The following PXN variants were observed in gnomAD, a reference collection of about 807,000 sequenced individuals.
PXN encodes testicular tissue protein Li 134.
In PXN, 61 loss-of-function variants were observed where a neutral mutation model predicts 103.6. The ratio of observed to expected loss-of-function variants is 0.59; its 90% CI spans 0.48 to 0.73. The LOEUF is 0.73. Among genes scored for constraint, PXN ranks in the 30% least tolerant of loss-of-function variants. PXN has a pLI of 0.00. For missense variants in PXN, 1,274 were observed against 1,460.3 expected (o/e 0.87, Z 2.08); for synonymous variants, 562 against 607.8 (o/e 0.92, Z 1.11).
rs1162238397 is a variant in PXN at position 120,245,110 on chromosome 12, G to C, written c.13+20507C>G. ...GGAGGAGGGGCATCACGTAGCAACA[G>C]AGCAAGAAGGAACAGGAGTGTGGCA... On this transcript the variant is annotated intron_variant, in intron 1 of 14. Transcript: ENST00000637617. Among the ~76,000 whole-genome samples the C allele has an allele frequency of 2.6e-5, 4 of 152,166 alleles. No individual in the cohort carries two copies. In the East Asian group the frequency reaches 5.8e-4, roughly 22 times the overall value.
Position 120,265,527 on chromosome 12 carries a change from A to G in PXN, c.13+90T>C. ...TGAGGCCGGGGCCGCCGAGGGTGGG[A>G]TCCCGCGGCCCCTGCCGCTCGCTGG... On this transcript the variant is annotated intron_variant, in intron 1 of 14. Coordinates refer to ENST00000637617, the MANE Select transcript of PXN (RefSeq NM_001385981.1). The surrounding 1 kb of genome is among the most constrained non-coding windows in gnomAD (Gnocchi z 5.7). 7.2e-7 allele frequency: 1 copy of G among 1,388,080 alleles called. No homozygotes were observed. The highest frequency in any genetic ancestry group is 9.4e-7 in the Non-Finnish European group (1 of 1,063,388). The allele number at this position is 1,388,080 out of a possible 1,614,324, so 86.0% of individuals were successfully genotyped here. A position where few individuals can be genotyped will look rare whatever the true frequency, so the allele number is the denominator to read the frequency against.
At chr12:120,236,850 G>A (rs1035518596) in intron 1 of PXN, among the ~76,000 whole-genome samples, 1 of 151,884 alleles carries the variant, frequency 6.6e-6, no homozygotes, top group African/African-American at 2.4e-5. Context: ...TGTCACCCAG[G>A]CTGGAGTGCA....
At chr12:120,247,381 G>A (rs1397384721) in intron 1 of PXN, 2 of 152,338 alleles carry the variant, frequency 1.3e-5, no homozygotes, top group Admixed American at 6.5e-5. Context: ...GTGTGCCCTC[G>A]CCTGCTCCTG....
Position 120,216,288 on chromosome 12 carries a change from G to A in PXN, c.2286C>T (p.Leu762=), listed in dbSNP as rs113366229. The A allele has an allele frequency of 4.2e-4, 532 of 1,279,704 alleles. 3 individuals carry two copies. In the African/African-American group the frequency reaches 7.7e-3, roughly 19 times the overall value. 79.3% of individuals were successfully genotyped at this position (1,279,704 alleles called of 1,614,324 possible). ...TAAGGCCTGCCTGCATCGGGGGGAAGAGCGGGTCCTCATCAGTCTGGCAGC... is the reference window on the plus strand; with the variant it reads ...TAAGGCCTGCCTGCATCGGGGGGAAAAGCGGGTCCTCATCAGTCTGGCAGC... ...SVGCQTDEDP[L]FPPMQIQGLE... is the part of the protein sequence containing the mutation. Residue 762 remains leucine, a synonymous_variant, in exon 9 of 15, where the codon CTC becomes CTT. Transcript: ENST00000637617. The surrounding 1 kb of genome is among the most constrained non-coding windows in gnomAD (Gnocchi z 5.1).
intron 1 of PXN, among the ~76,000 whole-genome samples, chr12:120,240,500 G>C (rs1310269662): frequency 6.6e-6 from 1 of 152,156 alleles, no homozygotes; most frequent in Non-Finnish European, 1.5e-5. Context: ...AAGCTGAGAG[G>C]CTTTGCAGGA....
chr12:120,262,048 C>T (rs189553034), intron 1 of PXN, among the ~76,000 whole-genome samples: 1 of 152,324 alleles, frequency 6.6e-6, no homozygotes, highest in Admixed American at 6.5e-5. Flanking sequence ...GCTGGGTGCC[C>T]TGACTCTGCC....
intron 1 of PXN, among the ~76,000 whole-genome samples, chr12:120,230,833 A>T (rs574933238): frequency 6.7e-6 from 1 of 150,276 alleles, no homozygotes; most frequent in South Asian, 2.1e-4. Flanking sequence ...TGCCCCACCC[A>T]CCCCCAGCCC....
rs1272327073 is a variant in PXN, at chr12:120,220,879, A to G, written c.831+744T>C. On this transcript the variant is annotated intron_variant, in intron 6 of 14. Transcript: ENST00000637617. This position sits in a 1 kb window ranked among gnomAD's most constrained non-coding sequence, Gnocchi z 6.1. ...CTCATATTCCCTAGGTCATGCCCCAAAGGTCTCCAGCTGACCCACGTGGAA... is the reference window on the plus strand; with the variant it reads ...CTCATATTCCCTAGGTCATGCCCCAGAGGTCTCCAGCTGACCCACGTGGAA... Among the ~76,000 whole-genome samples the G allele has an allele frequency of 1.3e-5, 2 of 152,162 alleles. No homozygotes were observed. The highest frequency in any genetic ancestry group is 3.9e-4 in the East Asian group (2 of 5,192).
chr12:120,211,550 A>T lies in PXN; in HGVS notation c.*764T>A, dbSNP rs1594312611. The T allele has an allele frequency of 5.0e-6, 1 of 198,334 alleles. No homozygotes were observed. Among genetic ancestry groups the T allele is most frequent in the Admixed American group, 5.3e-5 (1 of 19,010 alleles). The allele number at this position is 198,334 out of a possible 1,614,324, so 12.3% of individuals were successfully genotyped here. On this transcript the variant is annotated 3_prime_UTR_variant, in exon 15 of 15. Transcript: ENST00000637617. Reference sequence around the variant, plus strand: ...TAAAATCTCTTCAAAATCATTTTGTATAGAGAAGTAAAAGCAACTCAGGCG... The same window carrying T: ...TAAAATCTCTTCAAAATCATTTTGTTTAGAGAAGTAAAAGCAACTCAGGCG...
intron 1 of PXN, among the ~76,000 whole-genome samples, chr12:120,234,514 C>T (rs1217301743): frequency 6.6e-6 from 1 of 152,168 alleles, no homozygotes; most frequent in Non-Finnish European, 1.5e-5. Flanking sequence ...TAAAACCACC[C>T]CTGCCCATAT....
intron 1 of PXN, among the ~76,000 whole-genome samples, chr12:120,246,884 C>T (rs1368518092): frequency 2.0e-5 from 3 of 151,412 alleles, no homozygotes; most frequent in Admixed American, 1.3e-4. Flanking sequence ...AAAATGTAGC[C>T]GGGCATGTTA....
chr12:120,230,443 G>A (rs1006582867), intron 1 of PXN, among the ~76,000 whole-genome samples: 1 of 152,226 alleles, frequency 6.6e-6, no homozygotes, highest in African/African-American at 2.4e-5. Flanking sequence ...CTGAGTGTCA[G>A]AGAAGCTGCG....
At chr12:120,242,645 C>T (rs755515232) in intron 1 of PXN, among the ~76,000 whole-genome samples, 2 of 151,796 alleles carry the variant, frequency 1.3e-5, no homozygotes, top group Admixed American at 6.6e-5. Context: ...CAGCACTTTG[C>T]GAGGCAGAGG....
At chr12:120,243,723 A>G (rs1274829824) in intron 1 of PXN, among the ~76,000 whole-genome samples, 1 of 152,168 alleles carries the variant, frequency 6.6e-6, no homozygotes, top group Non-Finnish European at 1.5e-5. Flanking sequence ...TCAGTTTAGG[A>G]TCCCATTTCC....
At chr12:120,253,705 A>G (rs1385685758) in intron 1 of PXN, among the ~76,000 whole-genome samples, 1 of 152,210 alleles carries the variant, frequency 6.6e-6, no homozygotes, top group African/African-American at 2.4e-5. Context: ...AATAATTAAA[A>G]TGTGGTTTAT....
At chr12:120,227,614 A>G (rs953174389) in intron 1 of PXN, among the ~76,000 whole-genome samples, 4 of 152,132 alleles carry the variant, frequency 2.6e-5, no homozygotes, top group Admixed American at 2.6e-4. Context: ...CAGCAAGTCC[A>G]TCCACCAGCC....
rs1165240965 is a variant in PXN, at chr12:120,222,289, C to A, written c.695+260G>T. 1.3e-5 allele frequency among the ~76,000 whole-genome samples: 2 copies of A among 152,248 alleles called. No homozygotes were observed. Among genetic ancestry groups the A allele is most frequent in the African/African-American group, 4.8e-5 (2 of 41,468 alleles). On this transcript the variant is annotated intron_variant, in intron 5 of 14. Transcript: ENST00000637617. The surrounding 1 kb of genome is among the most constrained non-coding windows in gnomAD (Gnocchi z 4.7). ...TGTCAGAGCCAAGATGTGAACCCCA[C>A]TGTGTGGCCCCAAAGCCTGTGCTAA... is the stretch of plus-strand genomic sequence containing the variant.
intron 1 of PXN, among the ~76,000 whole-genome samples, chr12:120,239,272 C>T (rs1361796302): frequency 2.0e-5 from 3 of 152,100 alleles, no homozygotes; most frequent in African/African-American, 7.2e-5. Context: ...TGTGGTGAGA[C>T]CCTGTCTCCA....
chr12:120,216,880 C>T lies in PXN; in HGVS notation c.1953G>A (p.Gln651=), dbSNP rs1883247844. The T allele has an allele frequency of 2.0e-6, 3 of 1,515,792 alleles. No individual in the cohort carries two copies. Among genetic ancestry groups the T allele is most frequent in the Non-Finnish European group, 2.6e-6 (3 of 1,138,682 alleles). 93.9% of individuals were successfully genotyped at this position (1,515,792 alleles called of 1,614,324 possible). ...GCCCCCCGGCCCGCTTCCCACGTGG[C>T]TGCACAGTGATGATGACGCCCTCGG... The part of the protein sequence containing the change: ...WLTEGVIITV[Q]PRGKRAGGQL... The change falls in exon 8 of 15, where the codon CAG becomes CAA. Residue 651 remains glutamine (Q), a synonymous_variant. Coordinates refer to ENST00000637617, the MANE Select transcript of PXN (RefSeq NM_001385981.1). The surrounding 1 kb of genome is among the most constrained non-coding windows in gnomAD (Gnocchi z 5.1).
Sources: allele counts gnomAD v4.1 joint callset (sites outside exome capture counted in the v4.1 genomes callset), GRCh38; gene constraint gnomAD v4.1.1; non-coding constraint Gnocchi (gnomAD v3.1); transcripts MANE v1.5; gene names NCBI Gene and HGNC (gene_info 2026-07-23, HGNC 2026-07-21).